The following MACROD2 variants were observed in gnomAD, a reference collection of about 807,000 sequenced individuals.
MACROD2 encodes ADP-ribose glycohydrolase MACROD2.
Under a neutral mutation model 70.4 loss-of-function variants are expected in MACROD2, and 36 were observed. The ratio of observed to expected loss-of-function variants is 0.51; its 90% CI spans 0.39 to 0.68. The LOEUF (loss-of-function observed/expected upper bound fraction) is 0.68. Among genes scored for constraint, MACROD2 ranks in the 30% least tolerant of loss-of-function variants. The pLI is 0.00. For missense variants in MACROD2, 496 were observed against 538.4 expected, an observed-to-expected ratio of 0.92 and a Z score of 0.78; for synonymous variants, 172 against 178.8, an observed-to-expected ratio of 0.96 and a Z score of 0.30.
chr20:15,286,091 G>T (rs1346985591), intron 6 of MACROD2, among the ~76,000 whole-genome samples: 2 of 152,118 alleles, frequency 1.3e-5, no homozygotes, highest in Non-Finnish European at 2.9e-5. Flanking sequence ...ATTTTAAAAT[G>T]CTGAGAGAGA....
At chr20:14,703,711 T>C (rs1175961722) in intron 5 of MACROD2, among the ~76,000 whole-genome samples, 1 of 152,054 alleles carries the variant, frequency 6.6e-6, no homozygotes, top group Non-Finnish European at 1.5e-5. Context: ...ACTTATTTTA[T>C]TTATTTTGTT....
intron 6 of MACROD2, among the ~76,000 whole-genome samples, chr20:15,324,134 C>T (rs2077902111): frequency 6.6e-6 from 1 of 152,054 alleles, no homozygotes; most frequent in South Asian, 2.1e-4. Context: ...TAACATCAAG[C>T]AATGTGCTAT....
chr20:14,677,238 C>T (rs2070872929), intron 4 of MACROD2, among the ~76,000 whole-genome samples: 1 of 152,064 alleles, frequency 6.6e-6, no homozygotes, highest in Non-Finnish European at 1.5e-5. Flanking sequence ...ATTTCTTTTG[C>T]CTTTATTTAA....
rs986912084 is a variant in MACROD2 at position 15,659,122 on chromosome 20, A to G, written c.645+159275A>G. ...TTCATTGGATACCAATACCATATTTATTTCCCACTGTATATGATGTCAGAA... is the reference window on the plus strand; with the variant it reads ...TTCATTGGATACCAATACCATATTTGTTTCCCACTGTATATGATGTCAGAA... On this transcript the variant is annotated intron_variant, in intron 8 of 17. Coordinates refer to ENST00000684519, the MANE Select transcript of MACROD2 (RefSeq NM_001351661.2). Among the ~76,000 whole-genome samples the G allele has an allele frequency of 2.0e-5, 3 of 152,082 alleles. No individual in the cohort carries two copies. The East Asian group carries it at 5.8e-4, about 29-fold the overall frequency.
chr20:15,956,663 C>T (rs920892233), intron 12 of MACROD2, among the ~76,000 whole-genome samples: 3 of 152,156 alleles, frequency 2.0e-5, no homozygotes, highest in Non-Finnish European at 4.4e-5. Flanking sequence ...ACAGCAGCAG[C>T]GGTGTCATCT....
chr20:14,160,641 T>C (rs2055171974), intron 3 of MACROD2, among the ~76,000 whole-genome samples: 1 of 151,986 alleles, frequency 6.6e-6, no homozygotes, highest in South Asian at 2.1e-4. Context: ...AAGTAGCTTA[T>C]CAATTTTGTT....
chr20:15,806,028 A>G (rs1373930812), intron 8 of MACROD2, among the ~76,000 whole-genome samples: 1 of 152,230 alleles, frequency 6.6e-6, no homozygotes, highest in African/African-American at 2.4e-5. Context: ...TCATTTCTCC[A>G]AAAGAACAGA....
chr20:14,879,506 A>G (rs1314025728), intron 5 of MACROD2, among the ~76,000 whole-genome samples: 3 of 152,194 alleles, frequency 2.0e-5, no homozygotes, highest in Admixed American at 2.0e-4. Context: ...GAGATAAACA[A>G]TGACTCAGAG....
At chr20:14,110,774 A>G (rs2054439393) in intron 3 of MACROD2, among the ~76,000 whole-genome samples, 1 of 152,068 alleles carries the variant, frequency 6.6e-6, no homozygotes, top group Non-Finnish European at 1.5e-5. Context: ...TGGAAGAATC[A>G]ATAATGTTAA....
At chr20:14,475,059 G>A (rs536521511) in intron 3 of MACROD2, among the ~76,000 whole-genome samples, 4 of 150,332 alleles carry the variant, frequency 2.7e-5, no homozygotes, top group Non-Finnish European at 4.4e-5. Flanking sequence ...TTCCTTTTTT[G>A]TGATTAGGTG....
At chr20:14,044,234 C>T (rs977046367) in intron 2 of MACROD2, among the ~76,000 whole-genome samples, 13 of 149,908 alleles carry the variant, frequency 8.7e-5, no homozygotes, top group South Asian at 4.2e-4. Flanking sequence ...GCTCTTAAGG[C>T]GGTGCGTGTG....
intron 6 of MACROD2, among the ~76,000 whole-genome samples, chr20:15,342,245 G>C (rs150161504): frequency 3.9e-5 from 6 of 152,144 alleles, no homozygotes; most frequent in Non-Finnish European, 5.9e-5. Flanking sequence ...GCAGATCAAC[G>C]CAAGTTGCAC....
At chr20:14,219,610 T>C (rs182907448) in intron 3 of MACROD2, among the ~76,000 whole-genome samples, 2 of 152,338 alleles carry the variant, frequency 1.3e-5, no homozygotes, top group East Asian at 1.9e-4. Context: ...CCTTGTTTTG[T>C]CATATTACCA....
chr20:14,104,533 G>T (rs560732071), intron 3 of MACROD2, among the ~76,000 whole-genome samples: 1 of 152,204 alleles, frequency 6.6e-6, no homozygotes, highest in East Asian at 1.9e-4. Flanking sequence ...ATGTAGCACA[G>T]CACTTGGCAC....
intron 5 of MACROD2, among the ~76,000 whole-genome samples, chr20:14,776,075 C>T (rs1054925722): frequency 6.6e-6 from 1 of 151,966 alleles, no homozygotes; most frequent in African/African-American, 2.4e-5. Context: ...CCAGATATTG[C>T]CATGACTGCT....
chr20:14,483,565 C>T (rs555789291), intron 3 of MACROD2, among the ~76,000 whole-genome samples: 2 of 152,206 alleles, frequency 1.3e-5, no homozygotes, highest in African/African-American at 4.8e-5. Context: ...TGCCGCCACG[C>T]CTGGCTTATT....
intron 5 of MACROD2, among the ~76,000 whole-genome samples, chr20:15,149,861 G>T (rs1436864989): frequency 6.6e-6 from 1 of 152,052 alleles, no homozygotes; most frequent in Non-Finnish European, 1.5e-5. Flanking sequence ...GGAAGAGCTA[G>T]GGTGGGGACA....
chr20:15,531,271 A>G (rs1392845111), intron 8 of MACROD2, among the ~76,000 whole-genome samples: 7 of 151,672 alleles, frequency 4.6e-5, no homozygotes, highest in African/African-American at 1.7e-4. Flanking sequence ...TTAAGATTAT[A>G]CATTTCTATA....
At chr20:15,767,624 A>G (rs1375698320) in intron 8 of MACROD2, among the ~76,000 whole-genome samples, 1 of 152,278 alleles carries the variant, frequency 6.6e-6, no homozygotes, top group Non-Finnish European at 1.5e-5. Flanking sequence ...CCTGTTTTCT[A>G]GAGTATGAAG....
Sources: allele counts gnomAD v4.1 joint callset (sites outside exome capture counted in the v4.1 genomes callset), GRCh38; gene constraint gnomAD v4.1.1; transcripts MANE v1.5; gene names NCBI Gene and HGNC (gene_info 2026-07-23, HGNC 2026-07-21).